Variants in IFNAR2 observed in about 807,000 individuals in gnomAD.
IFNAR2 encodes the protein interferon alpha/beta receptor 2.
Under a neutral mutation model 49.4 loss-of-function variants are expected in IFNAR2, and 30 were observed. The ratio of observed to expected loss-of-function variants is 0.61; its 90% confidence interval spans 0.45 to 0.82. The LOEUF is 0.82. Among genes scored for constraint, IFNAR2 ranks in the 40% least tolerant of loss-of-function variants. The pLI is 0.00. For missense variants in IFNAR2, 600 were observed against 622.7 expected, an observed-to-expected ratio of 0.96 and a Z score of 0.39; for synonymous variants, 224 against 234.5, an observed-to-expected ratio of 0.96 and a Z score of 0.41.
At chr21:33,251,728 TTCATA>T in intron 6 of IFNAR2, 1 of 985,232 alleles carries the variant, frequency 1.0e-6, no homozygotes, top group Non-Finnish European at 1.2e-6. Context: ...TGAAAGAGCC[TTCATA>T]TCATCTTTTA....
chr21:33,230,610 G>A lies in IFNAR2; in HGVS notation c.-84+394G>A. On this transcript the variant is annotated intron_variant, in intron 1 of 8. Coordinates refer to ENST00000342136, the MANE Select transcript of IFNAR2 (RefSeq NM_001289125.3). The surrounding 1 kb of genome is among the most constrained non-coding windows in gnomAD (Gnocchi z 5.5). Reference sequence around the variant, plus strand: ...CATTCCTCCAGGTCCACCCCGCCTTGCAAAACCGGCTCACCAGCTGGGTGC... The same window carrying A: ...CATTCCTCCAGGTCCACCCCGCCTTACAAAACCGGCTCACCAGCTGGGTGC... The A allele has an allele frequency of 2.1e-6, 1 of 470,040 alleles. No homozygotes were observed. Among genetic ancestry groups the A allele is most frequent in the South Asian group, 1.6e-5 (1 of 64,402 alleles). 29.1% of individuals were successfully genotyped at this position (470,040 alleles called of 1,614,324 possible).
intron 1 of IFNAR2, among the ~76,000 whole-genome samples, chr21:33,240,063 G>C (rs1317922735): frequency 4.7e-5 from 7 of 149,796 alleles, no homozygotes; most frequent in Admixed American, 1.3e-4. Context: ...CTCCCTTCTG[G>C]GCCCCAGAGT....
At chr21:33,241,262 T>C (rs1041813849) in intron 1 of IFNAR2, among the ~76,000 whole-genome samples, 17 of 152,216 alleles carry the variant, frequency 1.1e-4, no homozygotes, top group Non-Finnish European at 2.5e-4. Context: ...ATATGTCCTT[T>C]GTCTAGCAAT....
intron 2 of IFNAR2, among the ~76,000 whole-genome samples, chr21:33,242,973 G>C (rs1380774044): frequency 1.3e-5 from 2 of 150,960 alleles, no homozygotes; most frequent in African/African-American, 4.9e-5. Flanking sequence ...ATTTTTAGTA[G>C]AGACAAGGTT....
chr21:33,243,644 G>A (rs752199088), intron 2 of IFNAR2, 29 bp from the exon 3 acceptor site: 1 of 1,595,358 alleles, frequency 6.3e-7, no homozygotes, highest in Non-Finnish European at 8.6e-7. Flanking sequence ...TAAAACTATT[G>A]CCTCTCTAAT....
Position 33,263,107 on chromosome 21 carries a change from T to C in IFNAR2, c.1155T>C (p.Pro385=). 1 of 1,614,144 alleles carries C rather than the reference T, an allele frequency of 6.2e-7. No individual in the cohort carries two copies. The highest frequency in any genetic ancestry group is 1.3e-5 in the African/African-American group (1 of 75,024). ...VELPTMPKDS[P]QQLELLSGPC... ...TCCCCACGATGCCAAAGGACAGCCCTCAGCAGTTGGAACTCTTGAGTGGGC... is the reference window on the plus strand; with the variant it reads ...TCCCCACGATGCCAAAGGACAGCCCCCAGCAGTTGGAACTCTTGAGTGGGC... The change falls in exon 9 of 9, where the codon CCT becomes CCC. Residue 385 remains proline (P), a synonymous_variant. Coordinates refer to ENST00000342136, the MANE Select transcript of IFNAR2 (RefSeq NM_001289125.3).
intron 3 of IFNAR2, among the ~76,000 whole-genome samples, chr21:33,244,452 C>T (rs1987234958): frequency 6.6e-6 from 1 of 152,164 alleles, no homozygotes; most frequent in Admixed American, 6.5e-5. Flanking sequence ...GTTATACTCC[C>T]CTGCTCTCTG....
At chr21:33,249,299 G>A (rs934632599) in intron 6 of IFNAR2, among the ~76,000 whole-genome samples, 18 of 143,438 alleles carry the variant, frequency 1.3e-4, no homozygotes, top group Admixed American at 7.3e-5. Context: ...AGCCGAGATC[G>A]CACCATTGTG....
In IFNAR2 at chr21:33,260,745, TTTG is replaced by T. The variant is rs754280566; in HGVS notation, c.840+21_840+23del. 4.8e-6 allele frequency: 7 copies of T among 1,456,890 alleles called. No individual in the cohort carries two copies. Among genetic ancestry groups the T allele is most frequent in the Non-Finnish European group, 6.4e-6 (7 of 1,096,966 alleles). 90.2% of individuals were successfully genotyped at this position (1,456,890 alleles called of 1,614,324 possible). The stretch of plus-strand genomic sequence containing the variant: ...AAGTCTTGGTAGGTAGTTTTTTTGT[TTTG>T]TTTTGTTTTTTCTATCTTTGTTTTT... On this transcript the variant is annotated intron_variant, in intron 8 of 8. Coordinates refer to ENST00000342136, the MANE Select transcript of IFNAR2 (RefSeq NM_001289125.3).
In IFNAR2 at chr21:33,229,982, A is replaced by G. The variant is rs1985902378; in HGVS notation, c.-318A>G. 12 of 984,156 alleles carry G rather than the reference A, an allele frequency of 1.2e-5. No homozygotes were observed. Among genetic ancestry groups the G allele is most frequent in the Non-Finnish European group, 1.3e-5 (11 of 829,590 alleles). The allele number at this position is 984,156 out of a possible 1,614,324, so 61.0% of individuals were successfully genotyped here. A position where few individuals can be genotyped will look rare whatever the true frequency, so the allele number is the denominator to read the frequency against. On this transcript the variant is annotated 5_prime_UTR_variant, in exon 1 of 9. Coordinates refer to ENST00000342136, the MANE Select transcript of IFNAR2 (RefSeq NM_001289125.3). ...GGGGCTCGGCGCGCGCACCCGCACT[A>G]AAGACGCTTCTTCCCGGCGGGTAGG...
At chr21:33,236,790 A>G in intron 1 of IFNAR2, 3 of 983,634 alleles carry the variant, frequency 3.0e-6, no homozygotes, top group Non-Finnish European at 3.6e-6. Flanking sequence ...GAATTTCAGG[A>G]TAGCCACAGG....
At position 33,244,933 on chromosome 21, in the gene IFNAR2, T is replaced by C. The variant is rs1165426908; in HGVS notation, c.98-18T>C. 4 of 1,612,246 alleles carry C rather than the reference T, an allele frequency of 2.5e-6. No homozygotes were observed. The highest frequency in any genetic ancestry group is 2.5e-6 in the Non-Finnish European group (3 of 1,178,914). On this transcript the variant is annotated intron_variant, in intron 3 of 8. Coordinates refer to ENST00000342136, the MANE Select transcript of IFNAR2 (RefSeq NM_001289125.3). ...TGTGGGTTCCAAATTTCAATGCCCT[T>C]TTTCTTCTTCTCTTTAGATTACACA...
At chr21:33,246,359 T>C (rs970207580) in intron 4 of IFNAR2, among the ~76,000 whole-genome samples, 5 of 152,140 alleles carry the variant, frequency 3.3e-5, no homozygotes, top group African/African-American at 1.2e-4. Context: ...CGTGAGCCAC[T>C]GCACCCGGCT....
Position 33,262,928 on chromosome 21 carries a change from A to G in IFNAR2, c.976A>G (p.Thr326Ala). 6.2e-7 allele frequency: 1 copy of G among 1,614,206 alleles called. No individual in the cohort carries two copies. The highest frequency in any genetic ancestry group is 1.6e-4 in the Middle Eastern group (1 of 6,062). ...YNYDDESDSD[T>A]EAAPRTSGGG... is the part of the protein sequence containing the mutation. ...TTATGATGATGAAAGTGATAGCGATACTGAGGCAGCGCCCAGGACAAGTGG... is the reference window on the plus strand; with the variant it reads ...TTATGATGATGAAAGTGATAGCGATGCTGAGGCAGCGCCCAGGACAAGTGG... The change falls in exon 9 of 9, where the codon ACT becomes GCT. Residue 326 changes from threonine (T) to alanine (A), a missense_variant. By Grantham distance (58) the Thr-to-Ala change is moderately conservative (BLOSUM62 0). Coordinates refer to ENST00000342136, the MANE Select transcript of IFNAR2 (RefSeq NM_001289125.3).
At chr21:33,232,989 A>C in intron 1 of IFNAR2, 1 of 961,932 alleles carries the variant, frequency 1.0e-6, no homozygotes, top group Middle Eastern at 5.3e-4. Context: ...AAAAACAAAG[A>C]ATTACACTTG....
At chr21:33,236,354 A>G (rs546385093) in intron 1 of IFNAR2, among the ~76,000 whole-genome samples, 2 of 152,276 alleles carry the variant, frequency 1.3e-5, no homozygotes, top group East Asian at 3.9e-4. Context: ...GCTCTGTGGA[A>G]GTCAAGCCTT....
intron 1 of IFNAR2, among the ~76,000 whole-genome samples, chr21:33,238,177 C>G (rs954536090): frequency 2.6e-5 from 4 of 152,184 alleles, no homozygotes; most frequent in Admixed American, 2.6e-4. Flanking sequence ...TAGCACTCTT[C>G]AGCTTAAATT....
rs1021039100 is a variant in IFNAR2, at chr21:33,230,832, A to G, written c.-84+616A>G. 1.3e-5 allele frequency among the ~76,000 whole-genome samples: 2 copies of G among 152,056 alleles called. No individual in the cohort carries two copies. Among genetic ancestry groups the G allele is most frequent in the Admixed American group, 1.3e-4 (2 of 15,264 alleles). On this transcript the variant is annotated intron_variant, in intron 1 of 8. Transcript: ENST00000342136. The surrounding 1 kb of genome is among the most constrained non-coding windows in gnomAD (Gnocchi z 5.5). ...AGGGTGCACCCTCCCAGGGTCGGAG[A>G]GGGGAGATACTGGGAAGATACTCCG...
intron 1 of IFNAR2, among the ~76,000 whole-genome samples, chr21:33,234,183 CTGTGTGTGTGTGTGTGTGTGTGTG>C (rs61686449): frequency 3.1e-4 from 43 of 140,714 alleles, no homozygotes; most frequent in African/African-American, 9.3e-4. Flanking sequence ...AACAGAAACA[CTGTGTGTGTGTGTGTGTGTGTGTG>C]TGTGTGTGTG....
Sources: gnomAD v4.1 joint callset for allele counts (sites outside exome capture counted in the v4.1 genomes callset) on GRCh38, gnomAD v4.1.1 for gene constraint, Gnocchi (gnomAD v3.1) non-coding constraint, MANE v1.5 for transcripts, NCBI Gene and HGNC (gene_info 2026-07-23, HGNC 2026-07-21) for gene names.